Variants in KCNN3 observed in about 807,000 individuals in gnomAD.
KCNN3 encodes potassium calcium-activated channel subfamily N member 3, also known as small conductance calcium-activated potassium channel protein 3.
In KCNN3, 16 loss-of-function variants were observed where a neutral mutation model predicts 62.9. The ratio of observed to expected loss-of-function variants is 0.25; its 90% confidence interval spans 0.17 to 0.39. KCNN3 has a LOEUF of 0.39. KCNN3 is among the 10% of genes least tolerant of loss of function. KCNN3 has a pLI of 1.00. For missense variants in KCNN3, 599 were observed against 949.4 expected (o/e 0.63, Z 4.85); for synonymous variants, 370 against 389.2 (o/e 0.95, Z 0.58).
chr1:154,744,876 G>A (rs1700904833), intron 3 of KCNN3, among the ~76,000 whole-genome samples: 1 of 150,032 alleles, frequency 6.7e-6, no homozygotes, highest in African/African-American at 2.5e-5. Context: ...GGCCTAGGGT[G>A]ACTTCAGGGC....
At chr1:154,710,273 A>G (rs1394268064) in intron 7 of KCNN3, among the ~76,000 whole-genome samples, 1 of 152,162 alleles carries the variant, frequency 6.6e-6, no homozygotes, top group Admixed American at 6.6e-5. Flanking sequence ...AAGAGAGAGA[A>G]CACAGCGTTA....
chr1:154,743,704 G>A (rs1557952805), intron 3 of KCNN3, among the ~76,000 whole-genome samples: 2 of 152,204 alleles, frequency 1.3e-5, no homozygotes, highest in Non-Finnish European at 2.9e-5. Flanking sequence ...AGTTAACCAG[G>A]TGATCATGAG....
intron 2 of KCNN3, among the ~76,000 whole-genome samples, chr1:154,805,232 C>T (rs1777926): frequency 0.13 from 19,879 of 152,120 alleles, 1,726 homozygotes; most frequent in African/African-American, 0.25. Context: ...TCTAATCAGA[C>T]TATGGACACA....
At chr1:154,766,416 T>TTATTTATATATATATATATATATA (rs1648278486) in intron 3 of KCNN3, among the ~76,000 whole-genome samples, 1 of 71,812 alleles carries the variant, frequency 1.4e-5, no homozygotes, top group Non-Finnish European at 2.8e-5. Flanking sequence ...TAGCCAGGCT[T>TTATTTATATATATATATATATATA]TATATATATA....
chr1:154,846,399 G>C (rs1187804968), intron 1 of KCNN3, among the ~76,000 whole-genome samples: 2 of 152,222 alleles, frequency 1.3e-5, no homozygotes, highest in African/African-American at 2.4e-5. Flanking sequence ...AGCCCCCGAG[G>C]CTCCTTTCTG....
intron 4 of KCNN3, among the ~76,000 whole-genome samples, chr1:154,732,273 G>C (rs1700612213): frequency 6.6e-6 from 1 of 152,232 alleles, no homozygotes; most frequent in Non-Finnish European, 1.5e-5. Flanking sequence ...CCATGTGACA[G>C]GTGAGAGTGT....
intron 1 of KCNN3, 109 bp from the exon 2 acceptor site, chr1:154,822,293 A>G: frequency 1.2e-6 from 1 of 824,330 alleles, no homozygotes; most frequent in Non-Finnish European, 2.1e-6. Flanking sequence ...AGGGACTGTT[A>G]CCAGCCCCTC....
intron 4 of KCNN3, among the ~76,000 whole-genome samples, chr1:154,728,017 C>T (rs1402060704): frequency 6.6e-6 from 1 of 152,252 alleles, no homozygotes; most frequent in African/African-American, 2.4e-5. Context: ...CTACTTAAAT[C>T]ATCCCTGAAA....
At chr1:154,723,790 A>G (rs1185238575) in intron 5 of KCNN3, among the ~76,000 whole-genome samples, 3 of 152,236 alleles carry the variant, frequency 2.0e-5, no homozygotes, top group Non-Finnish European at 4.4e-5. Flanking sequence ...CGTAGTTTCA[A>G]TCCAGTGAAA....
chr1:154,788,295 C>T (rs956760368), intron 2 of KCNN3, among the ~76,000 whole-genome samples: 10 of 152,176 alleles, frequency 6.6e-5, no homozygotes, highest in East Asian at 1.9e-4. Context: ...CGCCTTCTGC[C>T]GAGTGCTGGC....
chr1:154,733,225 G>A (rs1366265895), intron 3 of KCNN3, 81 bp from the exon 4 acceptor site: 11 of 1,435,840 alleles, frequency 7.7e-6, no homozygotes, highest in South Asian at 1.1e-5. Flanking sequence ...GAGCGGGGAA[G>A]GAAATGAGAT....
chr1:154,826,526 G>A (rs1237330838), intron 1 of KCNN3, among the ~76,000 whole-genome samples: 1 of 148,172 alleles, frequency 6.7e-6, no homozygotes, highest in African/African-American at 2.6e-5. Flanking sequence ...TTTACACCCA[G>A]ATCTGTCTGC....
chr1:154,773,255 G>A (rs1360644697), intron 2 of KCNN3, among the ~76,000 whole-genome samples: 2 of 152,192 alleles, frequency 1.3e-5, no homozygotes, highest in Non-Finnish European at 1.5e-5. Context: ...GACACGTGGA[G>A]TGTTGCGTGC....
chr1:154,868,910 CT>C lies in KCNN3; in HGVS notation c.933+121del. 1.0e-5 allele frequency: 9 copies of C among 876,308 alleles called. No individual in the cohort carries two copies. In the East Asian group the frequency reaches 2.3e-4, roughly 23 times the overall value. The allele number at this position is 876,308 out of a possible 1,614,324, so 54.3% of individuals were successfully genotyped here. ...CCTCCCAATCTCTCAATCTCTCTCT[CT>C]CTCTCTCTCTCTCTCTCTCTCTCTC... On this transcript the variant is annotated intron_variant, in intron 1 of 7. Coordinates refer to ENST00000271915, the MANE Select transcript of KCNN3 (RefSeq NM_002249.6).
rs1317075273 is a variant in KCNN3 at position 154,698,613 on chromosome 1, G to C, written c.*9363C>G. 1 of 152,210 alleles carries C rather than the reference G, an allele frequency of 6.6e-6. No individual in the cohort carries two copies. Among genetic ancestry groups the C allele is most frequent in the Admixed American group, 6.5e-5 (1 of 15,276 alleles). 9.4% of individuals were successfully genotyped at this position (152,210 alleles called of 1,614,324 possible). A position where few individuals can be genotyped will look rare whatever the true frequency, so the allele number is the denominator to read the frequency against. ...AGAGCAAGTTGGTTCATTACAAGCT[G>C]TCACACCACAGAAAGAGAAGACCTT... is the stretch of plus-strand genomic sequence containing the variant. On this transcript the variant is annotated 3_prime_UTR_variant, in exon 8 of 8. Coordinates refer to ENST00000271915, the MANE Select transcript of KCNN3 (RefSeq NM_002249.6).
At chr1:154,792,393 A>G (rs564784825) in intron 2 of KCNN3, among the ~76,000 whole-genome samples, 58 of 152,350 alleles carry the variant, frequency 3.8e-4, no homozygotes, top group African/African-American at 1.4e-3. Context: ...GTTCCACTGG[A>G]AACAGGTGGG....
rs371805423 is a variant in KCNN3 at position 154,713,523 on chromosome 1, C to T, written c.1840G>A (p.Val614Ile). The change falls in exon 7 of 8, where the codon GTC becomes ATC. Residue 614 changes from valine to isoleucine, a missense_variant. Physicochemically the swap from Val to Ile is conservative, Grantham distance 29. Coordinates refer to ENST00000271915, the MANE Select transcript of KCNN3 (RefSeq NM_002249.6). Reference sequence around the variant, plus strand: ...CTCAGCTTCCTCTGTTCCATCTTGACGCTCCTCAACCTGTGGGGAAGAATG... The same window carrying T: ...CTCAGCTTCCTCTGTTCCATCTTGATGCTCCTCAACCTGTGGGGAAGAATG... Reference protein sequence around the residue: ...FLQAIHQLRSVKMEQRKLSDQ... With the variant: ...FLQAIHQLRSIKMEQRKLSDQ... The T allele has an allele frequency of 9.3e-6, 15 of 1,613,618 alleles. No homozygotes were observed. The highest frequency in any genetic ancestry group is 2.2e-5 in the East Asian group (1 of 44,888).
At chr1:154,734,493 G>A (rs1324381325) in intron 3 of KCNN3, among the ~76,000 whole-genome samples, 2 of 152,234 alleles carry the variant, frequency 1.3e-5, no homozygotes, top group African/African-American at 4.8e-5. Context: ...CCCCCTGGAA[G>A]GATTCGCTGC....
chr1:154,815,996 G>A (rs1415645152), intron 2 of KCNN3, among the ~76,000 whole-genome samples: 1 of 152,168 alleles, frequency 6.6e-6, no homozygotes, highest in Non-Finnish European at 1.5e-5. Flanking sequence ...CATCCACAGA[G>A]CAATTATGCC....
Sources: gnomAD v4.1 joint callset for allele counts (sites outside exome capture counted in the v4.1 genomes callset) on GRCh38, gnomAD v4.1.1 for gene constraint, MANE v1.5 for transcripts, NCBI Gene and HGNC (gene_info 2026-07-23, HGNC 2026-07-21) for gene names.